Variants in TBL1X observed in about 807,000 individuals in gnomAD.
The protein encoded by TBL1X is transducin beta like 1 X-linked.
A neutral mutation model predicts 50.7 loss-of-function variants in TBL1X; 10 were observed. The ratio of observed to expected loss-of-function variants is 0.20; its 90% CI spans 0.12 to 0.33. The LOEUF is 0.33. TBL1X is among the 10% of genes least tolerant of loss of function. The pLI, the probability that TBL1X is intolerant of heterozygous loss-of-function variation, is 1.00. For synonymous variants in TBL1X, 190 were observed against 214.7 expected, an observed-to-expected ratio of 0.88 and a Z score of 1.01; for missense variants, 340 against 504.4, an observed-to-expected ratio of 0.67 and a Z score of 3.12.
rs1246436784 is a variant in TBL1X, at chrX:9,500,496, T to C, written c.-200-1284T>C. On this transcript the variant is annotated intron_variant, in intron 1 of 17. Transcript: ENST00000645353. Reference sequence around the variant, plus strand: ...CTGTAATCCCAGCTACTCGGGAGGCTGAGGCAGGAGCATCGCTCAAACCCA... The same window carrying C: ...CTGTAATCCCAGCTACTCGGGAGGCCGAGGCAGGAGCATCGCTCAAACCCA... 8.1e-5 allele frequency among the ~76,000 whole-genome samples: 9 copies of C among 110,857 alleles called. No homozygotes were observed. The East Asian group carries it at 2.6e-3, about 32-fold the overall frequency.
At chrX:9,710,930 A>T (rs1206258917) in intron 15 of TBL1X, among the ~76,000 whole-genome samples, 5 of 112,317 alleles carry the variant, frequency 4.5e-5, no homozygotes, top group Non-Finnish European at 9.4e-5. Flanking sequence ...TTTTCCAAAT[A>T]TGGCTGTCTG....
chrX:9,525,401 A>G (rs1346837987), intron 2 of TBL1X, among the ~76,000 whole-genome samples: 1 of 112,001 alleles, frequency 8.9e-6, no homozygotes, highest in African/African-American at 3.3e-5. Flanking sequence ...TATTTGGACA[A>G]ATTTCTCCAT....
chrX:9,491,324 ATATATATATATATATT>A (rs1393148563), intron 1 of TBL1X, among the ~76,000 whole-genome samples: 1,612 of 67,802 alleles, frequency 0.024, 48 homozygotes, highest in African/African-American at 0.084. Flanking sequence ...ATATATATAT[ATATATATATATATATT>A]TTTTTTTTTT....
chrX:9,671,794 CTG>C (rs1200490572), intron 5 of TBL1X, among the ~76,000 whole-genome samples: 2 of 112,339 alleles, frequency 1.8e-5, no homozygotes, highest in Non-Finnish European at 3.8e-5. Context: ...CCTCTCATAA[CTG>C]TGCTAGTTGC....
chrX:9,600,467 G>GGCA (rs1327668865), intron 2 of TBL1X, among the ~76,000 whole-genome samples: 1 of 78,463 alleles, frequency 1.3e-5, no homozygotes, highest in Non-Finnish European at 2.4e-5. Context: ...GAATTTGGTG[G>GGCA]GCGGGGGGGG....
chrX:9,545,557 A>T (rs1166569697), intron 2 of TBL1X, among the ~76,000 whole-genome samples: 1 of 108,852 alleles, frequency 9.2e-6, no homozygotes, highest in East Asian at 2.9e-4. Context: ...GAAAAAAAAA[A>T]AAATTCAAAC....
At chrX:9,601,322 C>T (rs937852584) in intron 2 of TBL1X, among the ~76,000 whole-genome samples, 1 of 110,927 alleles carries the variant, frequency 9.0e-6, no homozygotes, top group Non-Finnish European at 1.9e-5. Flanking sequence ...GAGTTGGTAT[C>T]TCGTGGCAAG....
chrX:9,692,301 C>T, intron 9 of TBL1X, 47 bp downstream of exon 9: 1 of 1,144,539 alleles, frequency 8.7e-7, no homozygotes, highest in South Asian at 2.1e-5. Flanking sequence ...GTAAAATCGG[C>T]CAGCCACCAG....
At chrX:9,502,453 G>T (rs2254572) in intron 2 of TBL1X, among the ~76,000 whole-genome samples, 46,019 of 110,980 alleles carry the variant, frequency 0.41, 7,280 homozygotes, top group Admixed American at 0.55. Context: ...TGCTCCTCCC[G>T]CCCAGCTTTG....
At chrX:9,621,323 G>A (rs1237644887) in intron 2 of TBL1X, among the ~76,000 whole-genome samples, 2 of 112,077 alleles carry the variant, frequency 1.8e-5, no homozygotes, top group African/African-American at 6.5e-5. Flanking sequence ...GGTGCCCAAA[G>A]CATTTCCAAA....
At chrX:9,659,084 A>G (rs1403715557) in intron 5 of TBL1X, among the ~76,000 whole-genome samples, 1 of 111,384 alleles carries the variant, frequency 9.0e-6, no homozygotes, top group East Asian at 2.8e-4. Context: ...CCGGCCTCAT[A>G]AAGTGCTGGC....
chrX:9,476,925 A>G (rs1423338395), intron 1 of TBL1X, among the ~76,000 whole-genome samples: 1 of 112,588 alleles, frequency 8.9e-6, no homozygotes, highest in Non-Finnish European at 1.9e-5. Flanking sequence ...AGTTAATTAT[A>G]TTAGTGTACT....
rs2082021339 is a variant in TBL1X, at chrX:9,505,461, T to C, written c.-131+3612T>C. ...CACACATAACAATATTAACCTTAAA[T>C]GTAAATGGGCTAAATGCCCCAATTA... On this transcript the variant is annotated intron_variant, in intron 2 of 17. Transcript: ENST00000645353. Among the ~76,000 whole-genome samples, 5 of 112,022 alleles carry C rather than the reference T, an allele frequency of 4.5e-5. No individual in the cohort carries two copies. The Admixed American group carries it at 4.7e-4, about 11-fold the overall frequency.
rs143988368 is a variant in TBL1X, at chrX:9,584,730, C to T, written c.-130-55543C>T. Among the ~76,000 whole-genome samples the T allele has an allele frequency of 2.0e-3, 219 of 111,969 alleles. 2 individuals are homozygous for T. The highest frequency in any genetic ancestry group is 6.7e-3 in the African/African-American group (207 of 30,831). ...AAAAGGAATGAAGTATTCATATATG[C>T]TACATTGTGAGAATTGAGGATATGC... On this transcript the variant is annotated intron_variant, in intron 2 of 17. Transcript: ENST00000645353.
chrX:9,680,903 C>T (rs992311133), intron 5 of TBL1X, among the ~76,000 whole-genome samples: 1 of 112,211 alleles, frequency 8.9e-6, no homozygotes, highest in African/African-American at 3.2e-5. Flanking sequence ...ATATTCCTTT[C>T]GGCAGACGAC....
chrX:9,571,855 G>A (rs1414921214), intron 2 of TBL1X, among the ~76,000 whole-genome samples: 2 of 112,158 alleles, frequency 1.8e-5, no homozygotes, highest in African/African-American at 6.5e-5. Flanking sequence ...TTTGTAACTG[G>A]CTTATTTCAC....
intron 1 of TBL1X, among the ~76,000 whole-genome samples, chrX:9,480,905 G>A (rs1461704267): frequency 3.6e-5 from 4 of 110,615 alleles, no homozygotes; most frequent in Non-Finnish European, 5.7e-5. Context: ...GCTTTCTTTG[G>A]ACTGTATTTG....
intron 2 of TBL1X, among the ~76,000 whole-genome samples, chrX:9,503,933 G>A (rs1452851879): frequency 8.9e-6 from 1 of 111,981 alleles, no homozygotes; most frequent in Non-Finnish European, 1.9e-5. Flanking sequence ...CTCCACCAAG[G>A]GACAGAGTGC....
At chrX:9,600,189 A>G (rs1264510022) in intron 2 of TBL1X, among the ~76,000 whole-genome samples, 1 of 111,194 alleles carries the variant, frequency 9.0e-6, no homozygotes, top group Non-Finnish European at 1.9e-5. Flanking sequence ...AGTGGCTTAT[A>G]AAAAATAGAA....
Sources: gnomAD v4.1 joint callset for allele counts (sites outside exome capture counted in the v4.1 genomes callset) on GRCh38, gnomAD v4.1.1 for gene constraint, MANE v1.5 for transcripts, NCBI Gene and HGNC (gene_info 2026-07-23, HGNC 2026-07-21) for gene names.